The following FER1L6 variants were observed in gnomAD, a reference collection of about 807,000 sequenced individuals.
FER1L6 encodes fer-1 like family member 6.
FER1L6 carries 177 observed loss-of-function variants against 219.2 expected under a neutral mutation model. The observed-to-expected ratio is 0.81, with a 90% CI of 0.71 to 0.91. The LOEUF is 0.91. FER1L6 is among the 40% of genes least tolerant of loss of function. The probability of loss-of-function intolerance (pLI) is 0.00; values close to 1 mark genes in which losing one functional copy is unlikely to be tolerated. For missense variants in FER1L6, 2,153 were observed against 2,259.9 expected, an observed-to-expected ratio of 0.95 and a Z score of 0.96; for synonymous variants, 768 against 824.3, an observed-to-expected ratio of 0.93 and a Z score of 1.17.
intron 20 of FER1L6, among the ~76,000 whole-genome samples, chr8:124,041,601 A>G (rs1375001040): frequency 6.6e-6 from 1 of 152,188 alleles, no homozygotes; most frequent in Non-Finnish European, 1.5e-5. Flanking sequence ...ACGAGTCACT[A>G]CACTATGATA....
At chr8:124,063,536 T>C (rs1213767804) in intron 25 of FER1L6, among the ~76,000 whole-genome samples, 2 of 152,212 alleles carry the variant, frequency 1.3e-5, no homozygotes, top group Non-Finnish European at 2.9e-5. Flanking sequence ...TACTAACCTA[T>C]CATTCGTTTT....
intron 1 of FER1L6, among the ~76,000 whole-genome samples, chr8:123,945,669 CTG>C (rs1488523515): frequency 2.6e-5 from 4 of 152,178 alleles, no homozygotes; most frequent in African/African-American, 9.7e-5. Context: ...CAAATTTTAA[CTG>C]ATTTATAGAG....
At chr8:124,071,241 C>T (rs754928045) in intron 30 of FER1L6, among the ~76,000 whole-genome samples, 4 of 152,182 alleles carry the variant, frequency 2.6e-5, no homozygotes, top group Non-Finnish European at 4.4e-5. Flanking sequence ...AAAGGCACTT[C>T]GTGTCCCATC....
chr8:124,094,922 C>G lies in FER1L6; in HGVS notation c.4579C>G (p.Leu1527Val). Residue 1527 changes from leucine to valine, a missense_variant, in exon 35 of 41, where the codon CTG becomes GTG. Leu to Val is a conservative substitution (Grantham distance 32, BLOSUM62 1). Transcript: ENST00000522917. ...TGAGACAGTGGAGTCTTATGAACAC[C>G]TGGCCCTCAAGGTTTTACACTCTTG... ...TDETVESYEH[L>V]ALKVLHSWED... The G allele has an allele frequency of 6.2e-7, 1 of 1,614,120 alleles. No individual in the cohort carries two copies. The highest frequency in any genetic ancestry group is 8.5e-7 in the Non-Finnish European group (1 of 1,179,980).
chr8:123,983,939 A>C (rs1395680164), intron 11 of FER1L6, among the ~76,000 whole-genome samples: 1 of 152,144 alleles, frequency 6.6e-6, no homozygotes. Flanking sequence ...GAATTTCAGG[A>C]TATAGTGTGG....
chr8:124,119,617 ACCT>A lies in FER1L6; in HGVS notation c.5405_5407del (p.Ser1802del). On this transcript the variant is annotated inframe_deletion, in exon 41 of 41. Coordinates refer to ENST00000522917, the MANE Select transcript of FER1L6 (RefSeq NM_001039112.2). ...TTCCTTCCCCCTCAGCCGCCCAGACACCTCCTTTTCGTGGTTCATGAGCCCCTT... is the reference window on the plus strand; with the variant it reads ...TTCCTTCCCCCTCAGCCGCCCAGACACCTTTTCGTGGTTCATGAGCCCCTT... 6.2e-7 allele frequency: 1 copy of A among 1,611,490 alleles called. No homozygotes were observed. Among genetic ancestry groups the A allele is most frequent in the Non-Finnish European group, 8.5e-7 (1 of 1,178,278 alleles).
chr8:124,113,894 C>G (rs913881102), intron 39 of FER1L6, among the ~76,000 whole-genome samples: 2 of 152,210 alleles, frequency 1.3e-5, no homozygotes, highest in Admixed American at 1.3e-4. Flanking sequence ...ATTAGTGATG[C>G]TGTGTTTGCT....
At chr8:123,975,042 G>C (rs775239987) in intron 7 of FER1L6, 108 bp from the exon 8 acceptor site, 31 of 1,016,968 alleles carry the variant, frequency 3.0e-5, no homozygotes, top group African/African-American at 6.6e-5. Flanking sequence ...TTACCACCTA[G>C]AGCAACAGAG....
At chr8:123,908,481 C>A (rs1031141508) in intron 1 of FER1L6, among the ~76,000 whole-genome samples, 2 of 152,176 alleles carry the variant, frequency 1.3e-5, no homozygotes, top group Admixed American at 1.3e-4. Flanking sequence ...GTAGATAAGA[C>A]TTTTAGTAAG....
chr8:123,866,148 C>T (rs184895492), intron 1 of FER1L6, among the ~76,000 whole-genome samples: 19 of 152,074 alleles, frequency 1.2e-4, no homozygotes, highest in African/African-American at 3.9e-4. Context: ...TCTATGAGGT[C>T]GACTTTTTTA....
intron 16 of FER1L6, 58 bp downstream of exon 16, chr8:124,017,776 A>G: frequency 7.0e-7 from 1 of 1,421,052 alleles, no homozygotes; most frequent in South Asian, 1.2e-5. Context: ...CTCACGGATG[A>G]GGCATAGGTC....
At chr8:124,082,919 G>A (rs1821622105) in intron 33 of FER1L6, among the ~76,000 whole-genome samples, 1 of 152,022 alleles carries the variant, frequency 6.6e-6, no homozygotes, top group Admixed American at 6.6e-5. Context: ...ACAAATGAAG[G>A]AAGAACTGAC....
At chr8:124,036,355 A>G (rs1354613513) in intron 19 of FER1L6, 1 of 152,248 alleles carries the variant, frequency 6.6e-6, no homozygotes, top group Non-Finnish European at 1.5e-5. Context: ...TGTACCCCAT[A>G]TAAATGCGTA....
chr8:124,085,355 GCTTATTGCTATAAA>G (rs1821736213), intron 33 of FER1L6, among the ~76,000 whole-genome samples: 1 of 151,922 alleles, frequency 6.6e-6, no homozygotes, highest in Non-Finnish European at 1.5e-5. Context: ...TGATGTGGGT[GCTTATTGCTATAAA>G]CTTTCTTCTT....
In FER1L6 at chr8:124,082,451, T is replaced by TATGAG; in HGVS notation, c.4388_4391+1dup. On this transcript the variant is annotated frameshift_variant, in exon 33 of 41. Coordinates refer to ENST00000522917, the MANE Select transcript of FER1L6 (RefSeq NM_001039112.2). LOFTEE classifies it high-confidence loss of function. Reference sequence around the variant, plus strand: ...AGCCATCTGTGGCTTGCAGAGCCAGTATGAGATGTAAGTTCTTTCTCCCCG... The same window carrying TATGAG: ...AGCCATCTGTGGCTTGCAGAGCCAGTATGAGATGAGATGTAAGTTCTTTCTCCCCG... The TATGAG allele has an allele frequency of 6.2e-7, 1 of 1,613,594 alleles. No individual in the cohort carries two copies. Among genetic ancestry groups the TATGAG allele is most frequent in the East Asian group, 2.2e-5 (1 of 44,866 alleles).
chr8:124,077,524 T>C (rs1821342708), intron 32 of FER1L6, among the ~76,000 whole-genome samples: 1 of 152,186 alleles, frequency 6.6e-6, no homozygotes, highest in African/African-American at 2.4e-5. Flanking sequence ...TCCAGATTAA[T>C]GAGAATGACA....
At chr8:123,896,144 C>T (rs956892677) in intron 1 of FER1L6, among the ~76,000 whole-genome samples, 3 of 152,108 alleles carry the variant, frequency 2.0e-5, no homozygotes, top group Non-Finnish European at 4.4e-5. Context: ...CAGGAGGTAA[C>T]AAATAAATGA....
At chr8:123,942,221 C>T (rs1472863321) in intron 1 of FER1L6, among the ~76,000 whole-genome samples, 2 of 152,196 alleles carry the variant, frequency 1.3e-5, no homozygotes, top group Non-Finnish European at 2.9e-5. Flanking sequence ...ACACTTCATG[C>T]TGCCTCCTTC....
rs372652726 is a variant in FER1L6, at chr8:123,980,807, C to G, written c.1406C>G (p.Pro469Arg). ...EVEVESFDVP[P>R]EIVPEKNEEF... ...GAGGTGGAATCGTTCGATGTCCCCC[C>G]GGAGGTAGGTCTAGGCACTGCATTA... The change falls in exon 11 of 41, where the codon CCG (proline) becomes CGG (arginine). Residue 469 changes from proline (P) to arginine (R), a missense_variant. Physicochemically the swap from Pro to Arg is moderately radical, Grantham distance 103. Coordinates refer to ENST00000522917, the MANE Select transcript of FER1L6 (RefSeq NM_001039112.2). 24 of 1,611,924 alleles carry G rather than the reference C, an allele frequency of 1.5e-5. No individual in the cohort carries two copies. In the East Asian group the frequency reaches 2.2e-4, roughly 15 times the overall value.
Sources: allele counts gnomAD v4.1 joint callset (sites outside exome capture counted in the v4.1 genomes callset), GRCh38; gene constraint gnomAD v4.1.1; transcripts MANE v1.5; gene names NCBI Gene and HGNC (gene_info 2026-07-23, HGNC 2026-07-21).